The following CEP112 variants were observed in gnomAD, a reference collection of about 807,000 sequenced individuals.
The protein encoded by CEP112 is centrosomal protein of 112 kDa.
Under a neutral mutation model 153.0 loss-of-function variants are expected in CEP112, and 127 were observed. The observed-to-expected ratio is 0.83, with a 90% CI of 0.72 to 0.96. The LOEUF (loss-of-function observed/expected upper bound fraction) is 0.96. CEP112 is among the 40% of genes least tolerant of loss of function. The pLI is 0.00. For synonymous variants in CEP112, 358 were observed against 374.4 expected (o/e 0.96, Z 0.51); for missense variants, 1,089 against 1,101.2 (o/e 0.99, Z 0.16).
At chr17:65,830,404 G>T (rs892175514) in intron 21 of CEP112, among the ~76,000 whole-genome samples, 6 of 152,174 alleles carry the variant, frequency 3.9e-5, no homozygotes, top group African/African-American at 1.2e-4. Context: ...AAGGTAAGAG[G>T]TTGTAGACAT....
At chr17:65,884,710 T>TC (rs1462362739) in intron 20 of CEP112, among the ~76,000 whole-genome samples, 1 of 149,310 alleles carries the variant, frequency 6.7e-6, no homozygotes, top group Non-Finnish European at 1.5e-5. Context: ...TAGTTTCTTT[T>TC]TTTTTTTTCT....
intron 21 of CEP112, among the ~76,000 whole-genome samples, chr17:65,759,489 A>G (rs962463825): frequency 1.3e-5 from 2 of 152,196 alleles, no homozygotes; most frequent in Non-Finnish European, 2.9e-5. Context: ...GAAAATTTAT[A>G]ACAAATATTT....
At chr17:65,660,231 C>T (rs1476686543) in intron 24 of CEP112, among the ~76,000 whole-genome samples, 1 of 99,902 alleles carries the variant, frequency 1.0e-5, no homozygotes, top group African/African-American at 4.6e-5. Flanking sequence ...CTCCCTCCTT[C>T]CTTCCTCTTT....
intron 18 of CEP112, among the ~76,000 whole-genome samples, chr17:65,950,020 C>T (rs1429134326): frequency 6.6e-6 from 1 of 152,086 alleles, no homozygotes; most frequent in Non-Finnish European, 1.5e-5. Context: ...ATCTCACACA[C>T]TGTATTTTTT....
intron 17 of CEP112, among the ~76,000 whole-genome samples, chr17:66,001,968 G>T (rs983208310): frequency 6.6e-6 from 1 of 152,034 alleles, no homozygotes; most frequent in Non-Finnish European, 1.5e-5. Context: ...AGTAAAAAAC[G>T]AAATAGGAAG....
At chr17:66,134,581 T>C (rs2070352740) in intron 4 of CEP112, among the ~76,000 whole-genome samples, 1 of 152,196 alleles carries the variant, frequency 6.6e-6, no homozygotes, top group Non-Finnish European at 1.5e-5. Context: ...CTCACAACTG[T>C]AATCCCAGCA....
chr17:65,920,405 A>ATATATATATAT (rs56723468), intron 19 of CEP112, among the ~76,000 whole-genome samples: 2 of 99,506 alleles, frequency 2.0e-5, no homozygotes, highest in Non-Finnish European at 4.1e-5. Flanking sequence ...ATATATATAT[A>ATATATATATAT]ATTATAATAT....
rs191607678 is a variant in CEP112 at position 65,727,509 on chromosome 17, T to C, written c.2607+15559A>G. Among the ~76,000 whole-genome samples, 5 of 152,208 alleles carry C rather than the reference T, an allele frequency of 3.3e-5. No homozygotes were observed. The East Asian group carries it at 9.6e-4, about 29-fold the overall frequency. On this transcript the variant is annotated intron_variant, in intron 23 of 26. Coordinates refer to ENST00000535342, the MANE Select transcript of CEP112 (RefSeq NM_001199165.4). ...ATCGCAAGTTGAGAAGGGCTCCAAATAGGGTCATATCAGAGGAATAAGAAA... is the reference window on the plus strand; with the variant it reads ...ATCGCAAGTTGAGAAGGGCTCCAAACAGGGTCATATCAGAGGAATAAGAAA...
intron 18 of CEP112, among the ~76,000 whole-genome samples, chr17:65,938,613 T>C (rs1360101403): frequency 6.6e-6 from 1 of 151,946 alleles, no homozygotes; most frequent in African/African-American, 2.4e-5. Flanking sequence ...GGCAAGATAA[T>C]GGGGAAAAAA....
At chr17:65,906,952 A>G (rs974527519) in intron 19 of CEP112, among the ~76,000 whole-genome samples, 6 of 152,240 alleles carry the variant, frequency 3.9e-5, no homozygotes, top group Non-Finnish European at 8.8e-5. Context: ...CATGTAACAC[A>G]CTGAAGGGAA....
intron 24 of CEP112, among the ~76,000 whole-genome samples, chr17:65,672,867 T>C (rs2047053633): frequency 6.6e-6 from 1 of 152,196 alleles, no homozygotes; most frequent in Non-Finnish European, 1.5e-5. Context: ...GAGAAATATA[T>C]CTCAGTCAAT....
chr17:65,669,945 G>T (rs2046899733), intron 24 of CEP112, among the ~76,000 whole-genome samples: 1 of 151,730 alleles, frequency 6.6e-6, no homozygotes, highest in Admixed American at 6.6e-5. Context: ...ATTATGCTGG[G>T]GTAAGAAGTC....
intron 23 of CEP112, among the ~76,000 whole-genome samples, chr17:65,694,434 T>C (rs1382689805): frequency 6.6e-6 from 1 of 152,226 alleles, no homozygotes; most frequent in Non-Finnish European, 1.5e-5. Flanking sequence ...ATCAGTATTA[T>C]TAAAATGGAA....
chr17:66,046,856 C>T (rs143004618), intron 12 of CEP112, among the ~76,000 whole-genome samples: 56 of 152,164 alleles, frequency 3.7e-4, no homozygotes, highest in African/African-American at 1.3e-3. Flanking sequence ...CAGAAAATGG[C>T]GAGGACCACC....
chr17:65,893,312 G>A (rs1229683887), intron 20 of CEP112, among the ~76,000 whole-genome samples: 3 of 152,210 alleles, frequency 2.0e-5, no homozygotes, highest in East Asian at 1.9e-4. Flanking sequence ...AATACTTTCA[G>A]TATTACTTGA....
chr17:66,098,745 A>G (rs1394971549), intron 6 of CEP112, among the ~76,000 whole-genome samples: 1 of 152,258 alleles, frequency 6.6e-6, no homozygotes, highest in African/African-American at 2.4e-5. Context: ...AAAGACACAT[A>G]CAGATTGATA....
intron 17 of CEP112, among the ~76,000 whole-genome samples, chr17:65,971,237 A>C (rs1458319719): frequency 6.6e-6 from 1 of 152,210 alleles, no homozygotes; most frequent in Admixed American, 6.5e-5. Context: ...ACATACGTGC[A>C]AAACATGCAC....
At chr17:65,668,987 A>C (rs1247053778) in intron 24 of CEP112, among the ~76,000 whole-genome samples, 3 of 152,118 alleles carry the variant, frequency 2.0e-5, no homozygotes, top group East Asian at 3.9e-4. Context: ...TAAAATCTCT[A>C]ATGTGTGACA....
chr17:65,780,204 A>AT (rs2145616735), intron 21 of CEP112, among the ~76,000 whole-genome samples: 1 of 152,208 alleles, frequency 6.6e-6, no homozygotes, highest in East Asian at 1.9e-4. Flanking sequence ...TGCAACATAT[A>AT]TTTACATGGC....
Sources: gnomAD v4.1 joint callset for allele counts (sites outside exome capture counted in the v4.1 genomes callset) on GRCh38, gnomAD v4.1.1 for gene constraint, MANE v1.5 for transcripts, NCBI Gene and HGNC (gene_info 2026-07-23, HGNC 2026-07-21) for gene names.